Variants in ATP8B4 observed in about 807,000 individuals in gnomAD.
ATP8B4 encodes probable phospholipid-transporting ATPase IM.
ATP8B4 carries 133 observed loss-of-function variants against 145.6 expected under a neutral mutation model. The ratio of observed to expected loss-of-function variants is 0.91; its 90% CI spans 0.79 to 1.05. The LOEUF is 1.05. Ranked by LOEUF, ATP8B4 falls within the 50% of genes least tolerant of loss-of-function variation. The pLI is 0.00. For synonymous variants in ATP8B4, 507 were observed against 492.9 expected, an observed-to-expected ratio of 1.03 and a Z score of -0.38; for missense variants, 1,458 against 1,425.2, an observed-to-expected ratio of 1.02 and a Z score of -0.37.
At chr15:50,147,440 AAG>A (rs1327669760) in intron 1 of ATP8B4, among the ~76,000 whole-genome samples, 84 of 124,480 alleles carry the variant, frequency 6.7e-4, no homozygotes, top group Non-Finnish European at 1.1e-3. Context: ...AAAAAAAAAA[AAG>A]TATATACTTC....
intron 6 of ATP8B4, among the ~76,000 whole-genome samples, chr15:50,038,130 G>A (rs933906056): frequency 6.6e-6 from 1 of 151,882 alleles, no homozygotes; most frequent in African/African-American, 2.4e-5. Flanking sequence ...GCAAAAAAGA[G>A]AGTAAGAAAT....
chr15:50,005,340 A>C (rs1424394342), intron 7 of ATP8B4, among the ~76,000 whole-genome samples: 1 of 152,198 alleles, frequency 6.6e-6, no homozygotes, highest in East Asian at 1.9e-4. Context: ...ATTAGGCATA[A>C]TAAATATTTG....
upstream of ATP8B4, among the ~76,000 whole-genome samples, chr15:50,120,364 T>A (rs75524141): frequency 8.1e-4 from 124 of 152,326 alleles, no homozygotes; most frequent in Non-Finnish European, 1.3e-3. Flanking sequence ...CAGGAAGCAA[T>A]CATCTCTTTA....
At chr15:50,159,520 G>C (rs983932223) in intron 1 of ATP8B4, among the ~76,000 whole-genome samples, 2 of 152,072 alleles carry the variant, frequency 1.3e-5, no homozygotes, top group East Asian at 3.8e-4. Flanking sequence ...AGTACTTCCA[G>C]TACTATGTTG....
intron 24 of ATP8B4, among the ~76,000 whole-genome samples, chr15:49,878,216 C>A (rs2153400259): frequency 6.6e-6 from 1 of 152,226 alleles, no homozygotes; most frequent in Admixed American, 6.5e-5. Context: ...TACAAAGCTC[C>A]AAGAAAAGAA....
chr15:50,041,819 A>G (rs1170434387), intron 5 of ATP8B4, among the ~76,000 whole-genome samples: 1 of 152,194 alleles, frequency 6.6e-6, no homozygotes, highest in Admixed American at 6.5e-5. Flanking sequence ...GCGTGCCTAT[A>G]GTCCCAGCTA....
intron 21 of ATP8B4, 40 bp from the exon 22 acceptor site, chr15:49,898,291 CAATA>C: frequency 1.9e-6 from 3 of 1,570,068 alleles, no homozygotes; most frequent in Non-Finnish European, 1.7e-6. Context: ...GAACAGGAAA[CAATA>C]AATGAGGGTT....
intron 1 of ATP8B4, among the ~76,000 whole-genome samples, chr15:50,130,865 G>C (rs947487480): frequency 1.3e-5 from 2 of 152,124 alleles, no homozygotes; most frequent in Non-Finnish European, 2.9e-5. Context: ...GTTAGTAATT[G>C]TATTAGTCCA....
At chr15:50,129,774 C>A (rs1024417374) in intron 1 of ATP8B4, among the ~76,000 whole-genome samples, 2 of 151,678 alleles carry the variant, frequency 1.3e-5, no homozygotes, top group African/African-American at 4.8e-5. Flanking sequence ...ATGGTGAAAC[C>A]CCGTCGCTAC....
chr15:50,039,021 A>G (rs761562891), intron 5 of ATP8B4, among the ~76,000 whole-genome samples, 192 bp from the exon 6 acceptor site: 7 of 152,196 alleles, frequency 4.6e-5, no homozygotes, highest in Non-Finnish European at 1.0e-4. Flanking sequence ...TCACTACATT[A>G]CACTCCGGAT....
intron 1 of ATP8B4, among the ~76,000 whole-genome samples, chr15:50,179,604 T>A (rs1481090524): frequency 1.3e-5 from 2 of 151,784 alleles, no homozygotes; most frequent in African/African-American, 4.9e-5. Flanking sequence ...ACCCTCAATG[T>A]GATGGTATTA....
At chr15:50,000,583 A>T (rs905305018) in intron 8 of ATP8B4, among the ~76,000 whole-genome samples, 5 of 152,112 alleles carry the variant, frequency 3.3e-5, no homozygotes, top group Admixed American at 6.6e-5. Context: ...AAGTTTTTTT[A>T]AAATATATTC....
chr15:49,951,623 T>C (rs2043111890), intron 14 of ATP8B4, among the ~76,000 whole-genome samples: 1 of 152,144 alleles, frequency 6.6e-6, no homozygotes, highest in Admixed American at 6.5e-5. Context: ...TACAGCACAC[T>C]AATGGGTCTT....
rs185359975 is a variant in ATP8B4 at position 50,002,444 on chromosome 15, A to G, written c.436-221T>C. ...CCCCTTGACTATCACAACATAAGCA[A>G]GGAAAGGAGCTATCATATGAATTAA... On this transcript the variant is annotated intron_variant, in intron 7 of 27. Coordinates refer to ENST00000284509, the MANE Select transcript of ATP8B4 (RefSeq NM_024837.4). Among the ~76,000 whole-genome samples, 300 of 152,262 alleles carry G rather than the reference A, an allele frequency of 2.0e-3. 1 individual carries two copies. The highest frequency in any genetic ancestry group is 2.8e-3 in the Admixed American group (43 of 15,292).
intron 2 of ATP8B4, among the ~76,000 whole-genome samples, chr15:50,094,659 ATAT>A (rs1269562000): frequency 2.0e-5 from 3 of 147,686 alleles, no homozygotes; most frequent in Non-Finnish European, 1.5e-5. Flanking sequence ...TATATATTGT[ATAT>A]TATATATCCA....
At chr15:50,124,663 A>G (rs188907967) in intron 1 of ATP8B4, among the ~76,000 whole-genome samples, 1 of 152,338 alleles carries the variant, frequency 6.6e-6, no homozygotes, top group East Asian at 1.9e-4. Flanking sequence ...TCTGGGAACC[A>G]GCTCCTGACA....
intron 25 of ATP8B4, among the ~76,000 whole-genome samples, chr15:49,871,246 A>AT (rs1315504397): frequency 6.6e-5 from 10 of 152,258 alleles, no homozygotes; most frequent in Non-Finnish European, 1.2e-4. Flanking sequence ...TAATGGGATT[A>AT]TCCCAGTATA....
At chr15:49,960,054 C>T (rs1357494253) in intron 14 of ATP8B4, among the ~76,000 whole-genome samples, 10 of 138,214 alleles carry the variant, frequency 7.2e-5, no homozygotes, top group African/African-American at 1.9e-4. Flanking sequence ...TTTTTGGAGA[C>T]GGAGTCTCTG....
At chr15:50,164,756 C>T (rs1347046889) in intron 1 of ATP8B4, among the ~76,000 whole-genome samples, 1 of 152,216 alleles carries the variant, frequency 6.6e-6, no homozygotes, top group African/African-American at 2.4e-5. Flanking sequence ...TGGTGACGGG[C>T]TTCCAGAACT....
Sources: gnomAD v4.1 joint callset for allele counts (sites outside exome capture counted in the v4.1 genomes callset) on GRCh38, gnomAD v4.1.1 for gene constraint, MANE v1.5 for transcripts, NCBI Gene and HGNC (gene_info 2026-07-23, HGNC 2026-07-21) for gene names.